ARNT2: variants seen among roughly 807,000 people sequenced by gnomAD.
ARNT2 encodes ARNT protein 2.
A neutral mutation model predicts 91.7 loss-of-function variants in ARNT2; 36 were observed. The ratio of observed to expected loss-of-function variants is 0.39; its 90% CI spans 0.30 to 0.52. ARNT2 has a LOEUF of 0.52. ARNT2 is among the 20% of genes least tolerant of loss of function. The pLI, the probability that ARNT2 is intolerant of heterozygous loss-of-function variation, is 0.72. For synonymous variants in ARNT2, 365 were observed against 347.1 expected (o/e 1.05, Z -0.57); for missense variants, 775 against 939.3 (o/e 0.83, Z 2.29).
intron 8 of ARNT2, among the ~76,000 whole-genome samples, chr15:80,525,788 G>A (rs1897630756): frequency 6.6e-6 from 1 of 152,194 alleles, no homozygotes; most frequent in Non-Finnish European, 1.5e-5. Flanking sequence ...GAGCATTGAA[G>A]CAGCAACTCC....
chr15:80,553,551 TC>T (rs1420321454), intron 10 of ARNT2, among the ~76,000 whole-genome samples: 2 of 152,130 alleles, frequency 1.3e-5, no homozygotes, highest in Non-Finnish European at 2.9e-5. Context: ...TTCAAATGGT[TC>T]AGTAAGAAAT....
At chr15:80,571,705 G>A (rs1214894823) in intron 12 of ARNT2, among the ~76,000 whole-genome samples, 1 of 152,172 alleles carries the variant, frequency 6.6e-6, no homozygotes, top group Non-Finnish European at 1.5e-5. Context: ...TTGGCCCTAG[G>A]GATGGTCATG....
chr15:80,539,550 GC>G (rs1223785748), intron 8 of ARNT2, among the ~76,000 whole-genome samples: 2 of 152,098 alleles, frequency 1.3e-5, no homozygotes, highest in Non-Finnish European at 2.9e-5. Flanking sequence ...TGAGAGGAAT[GC>G]TCATTGTTAT....
intron 1 of ARNT2, among the ~76,000 whole-genome samples, chr15:80,429,055 G>A (rs574317334): frequency 6.6e-6 from 1 of 152,174 alleles, no homozygotes; most frequent in African/African-American, 2.4e-5. Context: ...CAAAGGAATG[G>A]TATGGCCTAA....
chr15:80,542,087 A>G (rs1232527607), intron 8 of ARNT2, among the ~76,000 whole-genome samples: 1 of 152,194 alleles, frequency 6.6e-6, no homozygotes. Flanking sequence ...TAGGCACATA[A>G]AGCATTCATT....
intron 5 of ARNT2, among the ~76,000 whole-genome samples, chr15:80,501,660 C>T (rs1897194415): frequency 6.6e-6 from 1 of 152,228 alleles, no homozygotes; most frequent in Non-Finnish European, 1.5e-5. Flanking sequence ...TCTCAGGAGA[C>T]CCTCCCTGCC....
intron 14 of ARNT2, among the ~76,000 whole-genome samples, chr15:80,576,111 G>A (rs1208211958): frequency 1.3e-5 from 2 of 152,116 alleles, no homozygotes; most frequent in African/African-American, 4.8e-5. Flanking sequence ...ACAGTCCAAG[G>A]TTGCACCTCT....
rs1893363990 is a variant in ARNT2, at chr15:80,595,701, A to G, written c.*2003A>G. The G allele has an allele frequency of 6.6e-6, 1 of 152,246 alleles. No individual in the cohort carries two copies. The highest frequency in any genetic ancestry group is 6.5e-5 in the Admixed American group (1 of 15,288). 9.4% of individuals were successfully genotyped at this position (152,246 alleles called of 1,614,324 possible). On this transcript the variant is annotated 3_prime_UTR_variant, in exon 19 of 19. Coordinates refer to ENST00000303329, the MANE Select transcript of ARNT2 (RefSeq NM_014862.4). ...GTGATTGGGTCTCCACTGTAGATGC[A>G]TGCAGTGTTCACTCCAACCTCAGAG...
At chr15:80,501,110 T>A (rs948331787) in intron 5 of ARNT2, among the ~76,000 whole-genome samples, 8 of 152,162 alleles carry the variant, frequency 5.3e-5, no homozygotes, top group African/African-American at 1.9e-4. Flanking sequence ...TTAAAAATAT[T>A]CTCCTTATTT....
rs377000120 is a variant in ARNT2 at position 80,555,123 on chromosome 15, G to A, written c.1148G>A (p.Arg383His). 60 of 1,614,080 alleles carry A rather than the reference G, an allele frequency of 3.7e-5. No homozygotes were observed. Among genetic ancestry groups the A allele is most frequent in the Non-Finnish European group, 4.7e-5 (56 of 1,180,040 alleles). Residue 383 changes from arginine (R) to histidine (H), a missense_variant, in exon 11 of 19, where the codon CGT (arginine) becomes CAT (histidine). Arg to His is a conservative substitution (Grantham distance 29). Around this residue, in one of 5 missense-constraint regions of ARNT2, gnomAD observed 285 missense variants for 327.2 expected, o/e 0.87. Transcript: ENST00000303329. ...FCHPEDQSHLRESFQQVVKLK... is the reference protein window; with the variant it reads ...FCHPEDQSHLHESFQQVVKLK... ...CACCCTGAGGATCAAAGCCATCTGC[G>A]TGAGAGCTTCCAGCAGGTACATACT...
intron 5 of ARNT2, among the ~76,000 whole-genome samples, chr15:80,502,995 A>G (rs955695666): frequency 2.0e-5 from 3 of 152,200 alleles, no homozygotes; most frequent in Non-Finnish European, 4.4e-5. Flanking sequence ...GGGAGCAGGG[A>G]TTCTAGAAGG....
In ARNT2 at chr15:80,420,918, G is replaced by A. The variant is rs978233774; in HGVS notation, c.31+16372G>A. On this transcript the variant is annotated intron_variant, in intron 1 of 18. Transcript: ENST00000303329. ...GCAGTTACTGAGTATCTACCCAAAG[G>A]CAAAAGAAGTCATTATGTCAAAACA... Among the ~76,000 whole-genome samples, 4 of 152,058 alleles carry A rather than the reference G, an allele frequency of 2.6e-5. No individual in the cohort carries two copies. The East Asian group carries it at 5.8e-4, about 22-fold the overall frequency.
At chr15:80,510,828 A>AAAATAAAT (rs529823506) in intron 6 of ARNT2, among the ~76,000 whole-genome samples, 1 of 152,130 alleles carries the variant, frequency 6.6e-6, no homozygotes, top group African/African-American at 2.4e-5. Context: ...CTCCATCTCA[A>AAAATAAAT]AAATAAATAA....
Position 80,511,895 on chromosome 15 carries a change from G to A in ARNT2, c.726-2016G>A, listed in dbSNP as rs985082393. Among the ~76,000 whole-genome samples the A allele has an allele frequency of 5.9e-5, 9 of 152,142 alleles. 1 individual carries two copies. Among genetic ancestry groups the A allele is most frequent in the Admixed American group, 5.9e-4 (9 of 15,276 alleles). ...TTATCAAAGGCCAAAGGCTACTGAT[G>A]AGCCCTGAATGTGAGCCCTGAATGT... On this transcript the variant is annotated intron_variant, in intron 6 of 18. Transcript: ENST00000303329.
At chr15:80,527,475 A>T (rs1262037655) in intron 8 of ARNT2, among the ~76,000 whole-genome samples, 1 of 152,210 alleles carries the variant, frequency 6.6e-6, no homozygotes, top group Non-Finnish European at 1.5e-5. Context: ...CACAAAGGAG[A>T]TGTGGGAATT....
At chr15:80,474,800 G>A (rs11852674) in intron 4 of ARNT2, among the ~76,000 whole-genome samples, 99,274 of 146,288 alleles carry the variant, frequency 0.68, 33,439 homozygotes, top group Non-Finnish European at 0.75. Flanking sequence ...TGGGCTAACC[G>A]TGTTTACAGT....
chr15:80,470,263 T>G lies in ARNT2; in HGVS notation c.240T>G (p.Thr80=). Residue 80 remains threonine (T), a synonymous_variant, in exon 4 of 19, where the codon ACT becomes ACG. Coordinates refer to ENST00000303329, the MANE Select transcript of ARNT2 (RefSeq NM_014862.4). ...AAAGGCGCAGACGGAACAAGATGACTCAGTACATCACGGAGCTCTCCGACA... is the reference window on the plus strand; with the variant it reads ...AAAGGCGCAGACGGAACAAGATGACGCAGTACATCACGGAGCTCTCCGACA... The part of the protein sequence containing the change: ...EIERRRRNKM[T]QYITELSDMV... 1 of 1,614,108 alleles carries G rather than the reference T, an allele frequency of 6.2e-7. No homozygotes were observed. The highest frequency in any genetic ancestry group is 8.5e-7 in the Non-Finnish European group (1 of 1,180,014).
At chr15:80,533,772 C>A (rs1222603345) in intron 8 of ARNT2, among the ~76,000 whole-genome samples, 1 of 152,228 alleles carries the variant, frequency 6.6e-6, no homozygotes, top group African/African-American at 2.4e-5. Context: ...GCTCCTGTGC[C>A]AGTGAAGATG....
intron 4 of ARNT2, among the ~76,000 whole-genome samples, chr15:80,472,286 A>G (rs992650577): frequency 6.6e-6 from 1 of 152,156 alleles, no homozygotes; most frequent in African/African-American, 2.4e-5. Flanking sequence ...ACTTCTCAGG[A>G]CAGAGACAGT....
Sources: gnomAD v4.1 joint callset for allele counts (sites outside exome capture counted in the v4.1 genomes callset) on GRCh38, gnomAD v4.1.1 for gene constraint, gnomAD v4.1.1 regional missense constraint, MANE v1.5 for transcripts, NCBI Gene and HGNC (gene_info 2026-07-23, HGNC 2026-07-21) for gene names.